Variants in USP34 observed in about 807,000 individuals in gnomAD.
The protein encoded by USP34 is ubiquitin specific peptidase 34, also known as ubiquitin carboxyl-terminal hydrolase 34.
A neutral mutation model predicts 460.3 loss-of-function variants in USP34; 70 were observed. The ratio of observed to expected loss-of-function variants is 0.15; its 90% CI spans 0.13 to 0.19. The LOEUF (loss-of-function observed/expected upper bound fraction) is 0.19. Among genes scored for constraint, USP34 ranks in the 10% least tolerant of loss-of-function variants. The probability of loss-of-function intolerance (pLI) is 1.00; values close to 1 mark genes in which losing one functional copy is unlikely to be tolerated. For missense variants in USP34, 3,985 were observed against 4,236.2 expected (o/e 0.94, Z 1.65); for synonymous variants, 1,647 against 1,405.3 (o/e 1.17, Z -3.85).
rs377620384 is a variant in USP34, at chr2:61,394,985, C to T, written c.621G>A (p.Leu207=). The stretch of plus-strand genomic sequence containing the variant: ...ACAAACATACATAACGAAGCAAATG[C>T]AATGGTACTTCTACATCCTGGGAAA... ...FCDMNDVEVP[L]HLLRYVCLFC... is the part of the protein sequence containing the mutation. Residue 207 remains leucine, a synonymous_variant, in exon 5 of 80, where the codon TTG becomes TTA. Coordinates refer to ENST00000398571, the MANE Select transcript of USP34 (RefSeq NM_014709.4). 8 of 1,593,848 alleles carry T rather than the reference C, an allele frequency of 5.0e-6. No individual in the cohort carries two copies. Among genetic ancestry groups the T allele is most frequent in the Non-Finnish European group, 6.8e-6 (8 of 1,174,074 alleles).
intron 10 of USP34, among the ~76,000 whole-genome samples, chr2:61,359,996 G>T (rs1692225616): frequency 6.6e-6 from 1 of 151,788 alleles, no homozygotes; most frequent in Admixed American, 6.6e-5. Flanking sequence ...TGTTGGCCAG[G>T]CTGGTCTTGA....
In USP34 at chr2:61,194,754, G is replaced by A. The variant is rs189127328; in HGVS notation, c.9509-1774C>T. Among the ~76,000 whole-genome samples the A allele has an allele frequency of 1.5e-4, 23 of 152,146 alleles. No homozygotes were observed. In the East Asian group the frequency reaches 2.3e-3, roughly 15 times the overall value. On this transcript the variant is annotated intron_variant, in intron 75 of 79. Coordinates refer to ENST00000398571, the MANE Select transcript of USP34 (RefSeq NM_014709.4). ...GCGGATCACCTGAGGTCAGGAATTC[G>A]CAACCAGCCTGACCAACATGGAGAA... is the stretch of plus-strand genomic sequence containing the variant.
At chr2:61,425,409 C>G (rs888082800) in intron 1 of USP34, among the ~76,000 whole-genome samples, 1 of 152,054 alleles carries the variant, frequency 6.6e-6, no homozygotes, top group South Asian at 2.1e-4. Flanking sequence ...CCCCAGCCAG[C>G]AGCAAAAGGC....
intron 16 of USP34, among the ~76,000 whole-genome samples, 165 bp from the exon 17 acceptor site, chr2:61,339,846 T>G (rs543379409): frequency 3.9e-4 from 60 of 152,112 alleles, no homozygotes; most frequent in South Asian, 1.9e-3. Context: ...TTTTGTTTTT[T>G]TTTTAAATAG....
At chr2:61,412,371 T>A (rs755169725) in intron 2 of USP34, among the ~76,000 whole-genome samples, 1 of 151,982 alleles carries the variant, frequency 6.6e-6, no homozygotes, top group Non-Finnish European at 1.5e-5. Context: ...TATGAAAATA[T>A]AAATTCAGAT....
intron 10 of USP34, among the ~76,000 whole-genome samples, chr2:61,357,770 G>A (rs1692149959): frequency 1.3e-5 from 2 of 152,194 alleles, no homozygotes; most frequent in South Asian, 4.1e-4. Flanking sequence ...AGGAGTGGTG[G>A]CACAAGCCTG....
At chr2:61,246,233 T>C (rs1572867730) in intron 50 of USP34, 91 bp downstream of exon 50, 4 of 1,148,092 alleles carry the variant, frequency 3.5e-6, no homozygotes, top group East Asian at 5.9e-5. Flanking sequence ...TTTCCAACTT[T>C]TGTGGCAAGT....
chr2:61,327,195 G>C (rs1174499612), intron 20 of USP34, among the ~76,000 whole-genome samples: 1 of 152,156 alleles, frequency 6.6e-6, no homozygotes, highest in African/African-American at 2.4e-5. Context: ...AAGTTTTAAA[G>C]CTTAAGTTTT....
chr2:61,461,220 G>T (rs1402969626), intron 1 of USP34, among the ~76,000 whole-genome samples: 2 of 151,378 alleles, frequency 1.3e-5, no homozygotes, highest in Admixed American at 6.6e-5. Flanking sequence ...ATGAAACCCT[G>T]TCTCTACTAA....
At position 61,311,694 on chromosome 2, in the gene USP34, T is replaced by C. The variant is rs577484984; in HGVS notation, c.3670-7A>G. The C allele has an allele frequency of 1.1e-5, 17 of 1,609,390 alleles. No individual in the cohort carries two copies. In the African/African-American group the frequency reaches 1.7e-4, roughly 16 times the overall value. Reference sequence around the variant, plus strand: ...GATACATTTCAATAGTCATCTGAAATATGAGATGCAACCAATTTAAAAATA... The same window carrying C: ...GATACATTTCAATAGTCATCTGAAACATGAGATGCAACCAATTTAAAAATA... On this transcript the variant is annotated splice_polypyrimidine_tract_variant and splice_region_variant and intron_variant, in intron 26 of 79. Coordinates refer to ENST00000398571, the MANE Select transcript of USP34 (RefSeq NM_014709.4).
rs373091962 is a variant in USP34, at chr2:61,188,132, T to C, written c.10611A>G (p.Ile3537Met). Residue 3537 changes from isoleucine (I) to methionine (M), a missense_variant, in exon 80 of 80, where the codon ATA (isoleucine) becomes ATG (methionine). This residue lies in a region of USP34 where 506 missense variants were observed against 439.0 expected (regional missense o/e 1.15). Transcript: ENST00000398571. Reference protein sequence around the residue: ...IESTIHVVTRISGKGNQAAS With the variant: ...IESTIHVVTRMSGKGNQAAS ...AAGCAGCTTGGTTTCCTTTGCCAGA[T>C]ATCCTTGTGACGACATGGATTGTAG... is the stretch of plus-strand genomic sequence containing the variant. 1.2e-6 allele frequency: 2 copies of C among 1,613,524 alleles called. No individual in the cohort carries two copies. Among genetic ancestry groups the C allele is most frequent in the Non-Finnish European group, 1.7e-6 (2 of 1,179,760 alleles).
chr2:61,319,240 T>C lies in USP34; in HGVS notation c.3101A>G (p.Asn1034Ser). ...ATGTTGATCTTTACTTCGAACTTGATTTAAAAACCAATGGAGTGCATCATC... is the reference window on the plus strand; with the variant it reads ...ATGTTGATCTTTACTTCGAACTTGACTTAAAAACCAATGGAGTGCATCATC... ...CYDDALHWFL[N>S]QVRSKDQHAM... The change falls in exon 22 of 80, where the codon AAT becomes AGT. Residue 1034 changes from asparagine (N) to serine (S), a missense_variant. Asn to Ser is a conservative substitution (Grantham distance 46). This residue lies in a region of USP34 where 1,114 missense variants were observed against 1,122.5 expected (regional missense o/e 0.99). Transcript: ENST00000398571. 1 of 1,593,358 alleles carries C rather than the reference T, an allele frequency of 6.3e-7. No homozygotes were observed. Among genetic ancestry groups the C allele is most frequent in the Non-Finnish European group, 8.5e-7 (1 of 1,173,892 alleles).
chr2:61,316,224 G>A (rs895272934), intron 23 of USP34, among the ~76,000 whole-genome samples: 2 of 151,638 alleles, frequency 1.3e-5, no homozygotes, highest in African/African-American at 4.8e-5. Flanking sequence ...TAAAAAAACT[G>A]AAAAAACCTA....
intron 2 of USP34, among the ~76,000 whole-genome samples, chr2:61,406,810 G>A (rs1303702215): frequency 6.6e-6 from 1 of 151,364 alleles, no homozygotes; most frequent in African/African-American, 2.4e-5. Flanking sequence ...TTCGAAACCA[G>A]CCTGACCAAC....
chr2:61,228,011 A>C (rs760285463), intron 61 of USP34, among the ~76,000 whole-genome samples: 20 of 152,194 alleles, frequency 1.3e-4, no homozygotes, highest in Non-Finnish European at 2.1e-4. Flanking sequence ...CTACTAGTGT[A>C]TATTCTGTGA....
rs551234492 is a variant in USP34, at chr2:61,327,005, C to G, written c.2931-1548G>C. 5.3e-5 allele frequency among the ~76,000 whole-genome samples: 8 copies of G among 152,048 alleles called. No homozygotes were observed. The South Asian group carries it at 1.7e-3, about 32-fold the overall frequency. Reference sequence around the variant, plus strand: ...TGTCACCACATTAGCCAGCTGGTCTCTAACTCCTGACCTCAGGTGACCCAC... The same window carrying G: ...TGTCACCACATTAGCCAGCTGGTCTGTAACTCCTGACCTCAGGTGACCCAC... On this transcript the variant is annotated intron_variant, in intron 20 of 79. Transcript: ENST00000398571.
chr2:61,348,564 A>T, intron 14 of USP34, 84 bp from the exon 15 acceptor site: 2 of 1,501,486 alleles, frequency 1.3e-6, no homozygotes, highest in Non-Finnish European at 8.9e-7. Context: ...TGTACTTTTT[A>T]AAAAGGCTGC....
chr2:61,417,142 C>G, intron 2 of USP34: 14 of 1,575,630 alleles, frequency 8.9e-6, no homozygotes, highest in Non-Finnish European at 1.2e-5. Flanking sequence ...AATGTGAACC[C>G]TGGCCACAGT....
intron 78 of USP34, 115 bp from the exon 79 acceptor site, chr2:61,189,184 C>A: frequency 8.9e-7 from 1 of 1,123,672 alleles, no homozygotes; most frequent in Non-Finnish European, 1.2e-6. Flanking sequence ...CCTAAGAATA[C>A]CCTGGTTTCT....
Sources: gnomAD v4.1 joint callset for allele counts (sites outside exome capture counted in the v4.1 genomes callset) on GRCh38, gnomAD v4.1.1 for gene constraint, gnomAD v4.1.1 regional missense constraint, MANE v1.5 for transcripts, NCBI Gene and HGNC (gene_info 2026-07-23, HGNC 2026-07-21) for gene names.